MB21D2: variants seen among roughly 807,000 people sequenced by gnomAD.
The protein encoded by MB21D2 is Mab-21 domain containing 2, also known as nucleotidyltransferase MB21D2.
A neutral mutation model predicts 33.3 loss-of-function variants in MB21D2; 9 were observed. The observed-to-expected ratio is 0.27, with a 90% CI of 0.16 to 0.47. MB21D2 has a LOEUF of 0.47. Ranked by LOEUF, MB21D2 falls within the 20% of genes least tolerant of loss-of-function variation. The pLI, the probability that MB21D2 is intolerant of heterozygous loss-of-function variation, is 0.99. For synonymous variants in MB21D2, 241 were observed against 236.3 expected (o/e 1.02, Z -0.18); for missense variants, 540 against 624.6 (o/e 0.86, Z 1.44).
chr3:192,851,511 T>TTTG (rs368434734), intron 1 of MB21D2, among the ~76,000 whole-genome samples: 4,287 of 143,710 alleles, frequency 0.03, 221 homozygotes, highest in African/African-American at 0.11. Context: ...TTTTTTTTTT[T>TTTG]GGAGATGGAG....
At chr3:192,895,870 C>G (rs4441601) in intron 1 of MB21D2, among the ~76,000 whole-genome samples, 77,645 of 151,974 alleles carry the variant, frequency 0.51, 19,928 homozygotes, top group South Asian at 0.53. Flanking sequence ...GTAGCTGGGA[C>G]TACAGATGTG....
intron 1 of MB21D2, among the ~76,000 whole-genome samples, chr3:192,909,936 C>CAAAAA (rs61613458): frequency 1.3e-4 from 7 of 52,822 alleles, no homozygotes; most frequent in Non-Finnish European, 1.9e-4. Context: ...GACTCTGTCT[C>CAAAAA]AAAAAAAAAA....
intron 1 of MB21D2, among the ~76,000 whole-genome samples, chr3:192,901,117 G>A (rs909504878): frequency 6.6e-6 from 1 of 152,034 alleles, no homozygotes; most frequent in African/African-American, 2.4e-5. Flanking sequence ...ATGGAGCCAG[G>A]GTTGGTTGGT....
At position 192,917,852 on chromosome 3, in the gene MB21D2, C is replaced by A. The variant is rs201208296; in HGVS notation, c.-12G>T. ...GCCGCCATCTTCATGCAAAACGCGC[C>A]GAGTAGCAGCTCCGCGGCAGCGCGG... On this transcript the variant is annotated 5_prime_UTR_variant, in exon 1 of 2. Coordinates refer to ENST00000392452, the MANE Select transcript of MB21D2 (RefSeq NM_178496.4). The A allele has an allele frequency of 3.1e-6, 5 of 1,604,212 alleles. No individual in the cohort carries two copies. In the East Asian group the frequency reaches 6.7e-5, roughly 22 times the overall value.
intron 1 of MB21D2, among the ~76,000 whole-genome samples, chr3:192,828,091 C>T (rs1385557483): frequency 6.6e-6 from 1 of 152,076 alleles, no homozygotes; most frequent in East Asian, 1.9e-4. Flanking sequence ...GTTTGTGAGG[C>T]CTCCCCAGCC....
At chr3:192,886,391 A>G (rs1713733370) in intron 1 of MB21D2, among the ~76,000 whole-genome samples, 3 of 152,036 alleles carry the variant, frequency 2.0e-5, no homozygotes, top group Non-Finnish European at 4.4e-5. Context: ...AGTTTTCTTA[A>G]GGTATTTCCC....
At chr3:192,805,814 GTAGA>G (rs1362479090) in intron 1 of MB21D2, among the ~76,000 whole-genome samples, 2 of 152,212 alleles carry the variant, frequency 1.3e-5, no homozygotes, top group East Asian at 3.8e-4. Flanking sequence ...TAAGCGCATC[GTAGA>G]TATTTAGCTC....
chr3:192,814,158 T>C (rs535218284), intron 1 of MB21D2, among the ~76,000 whole-genome samples: 1 of 152,214 alleles, frequency 6.6e-6, no homozygotes, highest in Non-Finnish European at 1.5e-5. Flanking sequence ...AATAATGATA[T>C]GTTAATAAGT....
intron 1 of MB21D2, among the ~76,000 whole-genome samples, chr3:192,880,629 C>CG (rs767613787): frequency 1.3e-5 from 2 of 151,994 alleles, no homozygotes; most frequent in Non-Finnish European, 2.9e-5. Flanking sequence ...TCGGAGGGGA[C>CG]GGACTCTCAA....
At chr3:192,837,951 A>C (rs1485101583) in intron 1 of MB21D2, among the ~76,000 whole-genome samples, 1 of 152,210 alleles carries the variant, frequency 6.6e-6, no homozygotes, top group Non-Finnish European at 1.5e-5. Context: ...GAACACCCCC[A>C]AACTTAGGGA....
chr3:192,868,980 G>A (rs1455158830), intron 1 of MB21D2, among the ~76,000 whole-genome samples: 3 of 152,178 alleles, frequency 2.0e-5, no homozygotes, highest in Non-Finnish European at 2.9e-5. Flanking sequence ...CCACAGACTA[G>A]TTGTTAAAAG....
intron 1 of MB21D2, among the ~76,000 whole-genome samples, chr3:192,840,421 T>C (rs906398028): frequency 1.2e-4 from 16 of 137,662 alleles, no homozygotes; most frequent in Admixed American, 5.0e-4. Context: ...TTTTCTTTTT[T>C]TTTTTTTTTT....
At chr3:192,853,024 CTCTG>C (rs1712841093) in intron 1 of MB21D2, among the ~76,000 whole-genome samples, 1 of 123,092 alleles carries the variant, frequency 8.1e-6, no homozygotes, top group Admixed American at 8.0e-5. Flanking sequence ...AGTTATCTCT[CTCTG>C]TCTCTCTCTC....
At chr3:192,900,524 T>A (rs1577201408) in intron 1 of MB21D2, among the ~76,000 whole-genome samples, 1 of 152,084 alleles carries the variant, frequency 6.6e-6, no homozygotes, top group African/African-American at 2.4e-5. Flanking sequence ...GTTTGGCTGG[T>A]TTTTTCGTTT....
At chr3:192,887,408 AATTG>A (rs1444083292) in intron 1 of MB21D2, among the ~76,000 whole-genome samples, 1 of 152,148 alleles carries the variant, frequency 6.6e-6, no homozygotes, top group Non-Finnish European at 1.5e-5. Context: ...GAGTTCTTGA[AATTG>A]ATTGCACAAA....
intron 1 of MB21D2, among the ~76,000 whole-genome samples, chr3:192,897,713 C>A (rs1463262009): frequency 1.3e-5 from 2 of 152,086 alleles, no homozygotes; most frequent in Admixed American, 1.3e-4. Flanking sequence ...AACCAAAGGC[C>A]GGGCATGGTG....
intron 1 of MB21D2, among the ~76,000 whole-genome samples, chr3:192,852,917 T>C (rs1183790145): frequency 1.3e-5 from 2 of 152,200 alleles, no homozygotes; most frequent in African/African-American, 4.8e-5. Flanking sequence ...CCATCTGAAA[T>C]CCAGATTCTT....
chr3:192,908,867 G>A lies in MB21D2; in HGVS notation c.211+8763C>T, dbSNP rs547945415. On this transcript the variant is annotated intron_variant, in intron 1 of 1. Transcript: ENST00000392452. ...TTGTTTCTGTGACATGGATCCTCTC[G>A]ACAGACTGTAGAAGCCTATAGATCC... is the stretch of plus-strand genomic sequence containing the variant. Among the ~76,000 whole-genome samples the A allele has an allele frequency of 3.3e-4, 50 of 152,188 alleles. No homozygotes were observed. The Middle Eastern group carries it at 0.017, about 52-fold the overall frequency.
In MB21D2 at chr3:192,798,163, T is replaced by C. The variant is rs1720561149; in HGVS notation, c.*223A>G. The C allele has an allele frequency of 9.9e-6, 5 of 507,330 alleles. No homozygotes were observed. The highest frequency in any genetic ancestry group is 3.2e-5 in the East Asian group (1 of 31,206). 31.4% of individuals were successfully genotyped at this position (507,330 alleles called of 1,614,324 possible). A position where few individuals can be genotyped will look rare whatever the true frequency, so the allele number is the denominator to read the frequency against. ...AAAAACTCCAACAAACTAAAGAGCATGACAATAACTACAAAAAGTAAACAA... is the reference window on the plus strand; with the variant it reads ...AAAAACTCCAACAAACTAAAGAGCACGACAATAACTACAAAAAGTAAACAA... On this transcript the variant is annotated 3_prime_UTR_variant, in exon 2 of 2. Transcript: ENST00000392452. This position sits in a 1 kb window ranked among gnomAD's most constrained non-coding sequence, Gnocchi z 4.8.
Sources: gnomAD v4.1 joint callset for allele counts (sites outside exome capture counted in the v4.1 genomes callset) on GRCh38, gnomAD v4.1.1 for gene constraint, Gnocchi (gnomAD v3.1) non-coding constraint, MANE v1.5 for transcripts, NCBI Gene and HGNC (gene_info 2026-07-23, HGNC 2026-07-21) for gene names.